The following ATG7 variants were observed in gnomAD, a reference collection of about 807,000 sequenced individuals.
ATG7 encodes the protein ubiquitin-like modifier-activating enzyme ATG7.
A neutral mutation model predicts 82.4 loss-of-function variants in ATG7; 70 were observed. That is an observed-to-expected ratio of 0.85 (90% CI 0.70 to 1.04). The LOEUF (loss-of-function observed/expected upper bound fraction) is 1.04. Among genes scored for constraint, ATG7 ranks in the 50% least tolerant of loss-of-function variants. The pLI is 0.00. For missense variants in ATG7, 792 were observed against 864.3 expected (o/e 0.92, Z 1.05); for synonymous variants, 287 against 313.0 (o/e 0.92, Z 0.88).
chr3:11,457,091 C>G lies in ATG7; in HGVS notation c.2079+30165C>G, dbSNP rs541795290. On this transcript the variant is annotated intron_variant, in intron 20 of 20. Transcript: ENST00000693202. ...AAATGGGGCAGGACACAGTAGAAGCCGTTAAAAGGAAATTATGTCTTCTTG... is the reference window on the plus strand; with the variant it reads ...AAATGGGGCAGGACACAGTAGAAGCGGTTAAAAGGAAATTATGTCTTCTTG... 3.3e-5 allele frequency among the ~76,000 whole-genome samples: 5 copies of G among 152,154 alleles called. 1 individual carries two copies. The highest frequency in any genetic ancestry group is 3.3e-4 in the Admixed American group (5 of 15,272).
chr3:11,485,884 C>G (rs1294777859), intron 20 of ATG7, among the ~76,000 whole-genome samples: 2 of 152,000 alleles, frequency 1.3e-5, no homozygotes, highest in Non-Finnish European at 2.9e-5. Flanking sequence ...GGGCTCTGTT[C>G]TGTTCCATTG....
At chr3:11,449,457 G>T (rs2084895103) in intron 20 of ATG7, among the ~76,000 whole-genome samples, 1 of 152,202 alleles carries the variant, frequency 6.6e-6, no homozygotes, top group African/African-American at 2.4e-5. Context: ...ACTTTTAAGG[G>T]AATGAAAAGG....
intron 20 of ATG7, among the ~76,000 whole-genome samples, chr3:11,481,661 A>G (rs554518634): frequency 3.9e-4 from 59 of 152,342 alleles, no homozygotes; most frequent in African/African-American, 1.4e-3. Flanking sequence ...TAATGTCAGC[A>G]CCACCACAGT....
chr3:11,558,953 G>A (rs776025801), downstream of ATG7: 95 of 1,163,212 alleles, frequency 8.2e-5, 1 homozygote, highest in Middle Eastern at 5.9e-4. Flanking sequence ...GGGCTCTGCA[G>A]ACAGAACCCA....
intron 20 of ATG7, among the ~76,000 whole-genome samples, chr3:11,544,406 T>C (rs1350367956): frequency 6.6e-6 from 1 of 152,176 alleles, no homozygotes; most frequent in Non-Finnish European, 1.5e-5. Context: ...AGCACCCTTT[T>C]TCTGACCAGC....
intron 18 of ATG7, among the ~76,000 whole-genome samples, chr3:11,369,143 C>T (rs899332962): frequency 1.3e-5 from 2 of 150,864 alleles, no homozygotes; most frequent in African/African-American, 2.5e-5. Flanking sequence ...ATCCTCAAGC[C>T]TTTAGATTTT....
At chr3:11,477,696 A>G (rs994165533) in intron 20 of ATG7, among the ~76,000 whole-genome samples, 1 of 152,156 alleles carries the variant, frequency 6.6e-6, no homozygotes, top group African/African-American at 2.4e-5. Context: ...TTTTTTGCTT[A>G]TGTAGTTGGA....
intron 3 of ATG7, among the ~76,000 whole-genome samples, chr3:11,296,626 C>T (rs928022708): frequency 2.6e-5 from 4 of 152,228 alleles, no homozygotes; most frequent in African/African-American, 9.6e-5. Context: ...TTTGAGGCTT[C>T]TCCATAGGTG....
chr3:11,493,266 C>T (rs562677300), intron 20 of ATG7, among the ~76,000 whole-genome samples: 1 of 152,196 alleles, frequency 6.6e-6, no homozygotes, highest in Non-Finnish European at 1.5e-5. Flanking sequence ...AGTTGCCCCT[C>T]TCTTTGCCAT....
chr3:11,478,488 C>T (rs1411462787), intron 20 of ATG7, among the ~76,000 whole-genome samples: 1 of 152,046 alleles, frequency 6.6e-6, no homozygotes, highest in Non-Finnish European at 1.5e-5. Flanking sequence ...GCTACATTAT[C>T]ATGAGGGATT....
intron 19 of ATG7, among the ~76,000 whole-genome samples, chr3:11,384,197 CTG>C (rs1213849766): frequency 3.3e-5 from 5 of 152,256 alleles, no homozygotes; most frequent in African/African-American, 1.2e-4. Flanking sequence ...AGGAGCAGGA[CTG>C]TGCAGGAGGA....
At chr3:11,347,189 G>A (rs1954680404) in intron 13 of ATG7, among the ~76,000 whole-genome samples, 1 of 152,126 alleles carries the variant, frequency 6.6e-6, no homozygotes, top group East Asian at 1.9e-4. Context: ...TCTTTCCTGG[G>A]CATCAGTTTC....
intron 3 of ATG7, among the ~76,000 whole-genome samples, chr3:11,287,114 C>A (rs993426254): frequency 6.6e-6 from 1 of 151,992 alleles, no homozygotes; most frequent in Non-Finnish European, 1.5e-5. Flanking sequence ...GAGCCACTCA[C>A]AAGGGATTAG....
chr3:11,543,469 C>T (rs930333990), intron 20 of ATG7, among the ~76,000 whole-genome samples: 2 of 152,220 alleles, frequency 1.3e-5, no homozygotes, highest in Non-Finnish European at 2.9e-5. Context: ...GCAATGGTTC[C>T]CTGAGAAGAG....
intron 20 of ATG7, among the ~76,000 whole-genome samples, chr3:11,480,029 G>A (rs986701830): frequency 5.9e-5 from 9 of 151,718 alleles, no homozygotes; most frequent in Admixed American, 1.3e-4. Context: ...TGGGGTTCAC[G>A]ACATTCTCCT....
chr3:11,345,711 A>C (rs1375875556), intron 13 of ATG7, among the ~76,000 whole-genome samples: 1 of 151,730 alleles, frequency 6.6e-6, no homozygotes, highest in Non-Finnish European at 1.5e-5. Flanking sequence ...TTTATTCTAT[A>C]ATTTTTGTTT....
intron 17 of ATG7, among the ~76,000 whole-genome samples, chr3:11,363,633 G>T (rs989534177): frequency 6.6e-6 from 1 of 152,212 alleles, no homozygotes; most frequent in Non-Finnish European, 1.5e-5. Flanking sequence ...AAGGCATAGT[G>T]AGGATAAGTA....
At chr3:11,543,229 T>A (rs1404318992) in intron 20 of ATG7, among the ~76,000 whole-genome samples, 1 of 152,260 alleles carries the variant, frequency 6.6e-6, no homozygotes. Flanking sequence ...TGGCCATGAC[T>A]GTCTTTGTAG....
At position 11,362,895 on chromosome 3, in the gene ATG7, A is replaced by G. The variant is rs765972296; in HGVS notation, c.1766A>G (p.Glu589Gly). 1 of 1,613,868 alleles carries G rather than the reference A, an allele frequency of 6.2e-7. No individual in the cohort carries two copies. Among genetic ancestry groups the G allele is most frequent in the African/African-American group, 1.3e-5 (1 of 74,902 alleles). Residue 589 changes from glutamate (E) to glycine (G), a missense_variant, in exon 17 of 21, where the codon GAA becomes GGA. Transcript: ENST00000693202. ...LAVIAGALAV[E>G]LMVSVLQHPE... ...GTGATTGCAGGAGCCCTGGCCGTGG[A>G]ATTGATGGTATCTGTTTTGCAGCAT...
Sources: gnomAD v4.1 joint callset for allele counts (sites outside exome capture counted in the v4.1 genomes callset) on GRCh38, gnomAD v4.1.1 for gene constraint, MANE v1.5 for transcripts, NCBI Gene and HGNC (gene_info 2026-07-23, HGNC 2026-07-21) for gene names.